The following LARP1B variants were observed in gnomAD, a reference collection of about 807,000 sequenced individuals.
The protein encoded by LARP1B is la-related protein 1B.
A neutral mutation model predicts 114.2 loss-of-function variants in LARP1B; 76 were observed. That is an observed-to-expected ratio of 0.67 (90% CI 0.55 to 0.81). The LOEUF is 0.81. LARP1B is among the 30% of genes least tolerant of loss of function. The probability of loss-of-function intolerance (pLI) is 0.00; values close to 1 mark genes in which losing one functional copy is unlikely to be tolerated. For synonymous variants in LARP1B, 345 were observed against 348.0 expected (o/e 0.99, Z 0.10); for missense variants, 1,014 against 1,075.8 (o/e 0.94, Z 0.80).
chr4:128,075,215 C>A (rs1767336999), intron 3 of LARP1B, among the ~76,000 whole-genome samples: 1 of 151,858 alleles, frequency 6.6e-6, no homozygotes, highest in Admixed American at 6.6e-5. Flanking sequence ...GATCTTCCTA[C>A]CTCGACCTCC....
intron 5 of LARP1B, among the ~76,000 whole-genome samples, chr4:128,084,620 GA>G (rs1450940561): frequency 4.6e-5 from 7 of 151,976 alleles, no homozygotes; most frequent in Admixed American, 2.0e-4. Flanking sequence ...CCGAGAGGGA[GA>G]GGGGAGAGGG....
At chr4:128,101,528 G>A (rs1442073680) in intron 8 of LARP1B, among the ~76,000 whole-genome samples, 3 of 146,118 alleles carry the variant, frequency 2.1e-5, no homozygotes, top group African/African-American at 5.1e-5. Flanking sequence ...AGTATATAAG[G>A]TTTCTATATA....
chr4:128,146,159 T>C (rs768768442), intron 11 of LARP1B, among the ~76,000 whole-genome samples: 7 of 152,234 alleles, frequency 4.6e-5, no homozygotes, highest in Non-Finnish European at 8.8e-5. Context: ...CGTGTGTGTA[T>C]CTTTTGTAGA....
chr4:128,074,244 T>C (rs1217387154), intron 1 of LARP1B, among the ~76,000 whole-genome samples: 1 of 152,182 alleles, frequency 6.6e-6, no homozygotes. Context: ...CCGGCAACAC[T>C]GTTAATATTT....
chr4:128,180,186 A>G (rs897595874), intron 15 of LARP1B, among the ~76,000 whole-genome samples: 1 of 152,146 alleles, frequency 6.6e-6, no homozygotes, highest in African/African-American at 2.4e-5. Context: ...TTCTGGCCTC[A>G]AGCAGTCCTC....
intron 11 of LARP1B, among the ~76,000 whole-genome samples, chr4:128,152,494 G>A (rs998249558): frequency 2.6e-5 from 4 of 151,882 alleles, no homozygotes; most frequent in African/African-American, 9.7e-5. Flanking sequence ...GAGCCACTGC[G>A]CCCGGCCAAC....
chr4:128,095,181 T>C (rs1237993229), intron 7 of LARP1B, among the ~76,000 whole-genome samples: 1 of 152,088 alleles, frequency 6.6e-6, no homozygotes, highest in Non-Finnish European at 1.5e-5. Context: ...AATTTTTTCC[T>C]TTAGTGTTTA....
At chr4:128,067,802 C>G (rs115576371) in intron 1 of LARP1B, among the ~76,000 whole-genome samples, 5 of 151,334 alleles carry the variant, frequency 3.3e-5, no homozygotes, top group Non-Finnish European at 7.4e-5. Context: ...CTCCATCTCC[C>G]GTGTTCAAGC....
At chr4:128,166,970 C>CTATATATATA (rs71593507) in intron 12 of LARP1B, among the ~76,000 whole-genome samples, 17 of 77,800 alleles carry the variant, frequency 2.2e-4, no homozygotes, top group African/African-American at 7.4e-4. Flanking sequence ...CTCTCTCTCT[C>CTATATATATA]TATATATATA....
chr4:128,180,200 C>T lies in LARP1B; in HGVS notation c.2003+688C>T, dbSNP rs550303466. Among the ~76,000 whole-genome samples the T allele has an allele frequency of 1.5e-4, 23 of 152,274 alleles. 1 individual carries two copies. The South Asian group carries it at 4.8e-3, about 32-fold the overall frequency. ...CTTCTGGCCTCAAGCAGTCCTCCTA[C>T]CTCAGCCTTGTAAAGTGCTGGGATT... On this transcript the variant is annotated intron_variant, in intron 15 of 19. Transcript: ENST00000326639.
chr4:128,157,903 A>G (rs904839681), intron 11 of LARP1B, among the ~76,000 whole-genome samples: 2 of 152,166 alleles, frequency 1.3e-5, no homozygotes, highest in Admixed American at 6.5e-5. Flanking sequence ...GCAGAGGACA[A>G]TGATTCCAGA....
At chr4:128,067,754 G>A (rs998202884) in intron 1 of LARP1B, among the ~76,000 whole-genome samples, 1 of 150,054 alleles carries the variant, frequency 6.7e-6, no homozygotes, top group African/African-American at 2.5e-5. Flanking sequence ...TGCTCTCGTC[G>A]CTCAAGCTGG....
chr4:128,107,465 C>T, intron 9 of LARP1B, 152 bp downstream of exon 9: 2 of 1,467,710 alleles, frequency 1.4e-6, no homozygotes, highest in Non-Finnish European at 1.8e-6. Flanking sequence ...TTCATATTGC[C>T]TCACTCACAG....
At chr4:128,108,585 T>A (rs1782889825) in intron 9 of LARP1B, 1 of 985,438 alleles carries the variant, frequency 1.0e-6, no homozygotes, top group African/African-American at 1.7e-5. Context: ...GCCTTCTGCT[T>A]CTAATCCCAG....
chr4:128,087,189 A>G (rs1362067098), intron 5 of LARP1B, among the ~76,000 whole-genome samples: 2 of 152,030 alleles, frequency 1.3e-5, no homozygotes, highest in African/African-American at 4.8e-5. Flanking sequence ...CCAAAGTGCT[A>G]GGATTACAGG....
intron 11 of LARP1B, among the ~76,000 whole-genome samples, chr4:128,124,915 G>T (rs531936593): frequency 6.6e-6 from 1 of 152,296 alleles, no homozygotes; most frequent in African/African-American, 2.4e-5. Context: ...GGAATGAAAA[G>T]TATGCCAAAT....
At position 128,188,354 on chromosome 4, in the gene LARP1B, C is replaced by A. The variant is rs577040513; in HGVS notation, c.2003+8842C>A. Among the ~76,000 whole-genome samples, 10 of 152,286 alleles carry A rather than the reference C, an allele frequency of 6.6e-5. No individual in the cohort carries two copies. In the South Asian group the frequency reaches 1.9e-3, roughly 28 times the overall value. On this transcript the variant is annotated intron_variant, in intron 15 of 19. Transcript: ENST00000326639. ...TCTCCCAAAGTGCTGGGATTACAGG[C>A]ATGAGCCACTGCGCCTGGCTGGGTA...
chr4:128,156,212 G>A (rs1735565153), intron 11 of LARP1B: 3 of 1,586,008 alleles, frequency 1.9e-6, no homozygotes, highest in African/African-American at 2.7e-5. Flanking sequence ...TGAGGCACCC[G>A]AGCCTTACTC....
intron 11 of LARP1B, among the ~76,000 whole-genome samples, chr4:128,134,184 G>T (rs1467851723): frequency 2.0e-5 from 3 of 151,706 alleles, no homozygotes; most frequent in Admixed American, 6.6e-5. Flanking sequence ...AATTTTTTTT[G>T]TGTGTGTGGA....
Sources: gnomAD v4.1 joint callset for allele counts (sites outside exome capture counted in the v4.1 genomes callset) on GRCh38, gnomAD v4.1.1 for gene constraint, MANE v1.5 for transcripts, NCBI Gene and HGNC (gene_info 2026-07-23, HGNC 2026-07-21) for gene names.